The following HACE1 variants were observed in gnomAD, a reference collection of about 807,000 sequenced individuals.
HACE1 encodes HECT domain and ankyrin repeat containing E3 ubiquitin protein ligase 1.
In HACE1, 73 loss-of-function variants were observed where a neutral mutation model predicts 118.4. The observed-to-expected ratio is 0.62, with a 90% CI of 0.51 to 0.75. HACE1 has a LOEUF of 0.75. Ranked by LOEUF, HACE1 falls within the 30% of genes least tolerant of loss-of-function variation. The pLI, the probability that HACE1 is intolerant of heterozygous loss-of-function variation, is 0.00. For synonymous variants in HACE1, 368 were observed against 374.8 expected (o/e 0.98, Z 0.21); for missense variants, 749 against 1,102.2 (o/e 0.68, Z 4.54).
intron 16 of HACE1, 82 bp from the exon 17 acceptor site, chr6:104,776,910 T>C (rs946232610): frequency 1.2e-5 from 15 of 1,285,482 alleles, no homozygotes; most frequent in Admixed American, 6.9e-5. Flanking sequence ...AATTTAAATA[T>C]AAAGTTTCTT....
intron 10 of HACE1, among the ~76,000 whole-genome samples, chr6:104,794,901 A>T (rs577687395): frequency 6.7e-6 from 1 of 149,226 alleles, no homozygotes; most frequent in Admixed American, 6.7e-5. Flanking sequence ...CTCTGTCTCA[A>T]AAAAAAAAAA....
chr6:104,761,381 A>G (rs1315001605), intron 19 of HACE1, among the ~76,000 whole-genome samples: 2 of 152,248 alleles, frequency 1.3e-5, no homozygotes, highest in African/African-American at 2.4e-5. Context: ...CAGAGCCCTC[A>G]GAAGTAACAC....
intron 6 of HACE1, among the ~76,000 whole-genome samples, chr6:104,816,331 A>G (rs1297073211): frequency 5.9e-5 from 9 of 152,328 alleles, no homozygotes; most frequent in African/African-American, 1.9e-4. Context: ...GGCCGGACCC[A>G]GGGCCCCACT....
intron 7 of HACE1, among the ~76,000 whole-genome samples, chr6:104,809,973 G>T (rs1008498311): frequency 6.6e-6 from 1 of 151,992 alleles, no homozygotes; most frequent in East Asian, 1.9e-4. Context: ...TGGGGGAAAG[G>T]TTTGAGGAAG....
At chr6:104,747,553 T>G (rs1337050543) in intron 20 of HACE1, among the ~76,000 whole-genome samples, 1 of 151,832 alleles carries the variant, frequency 6.6e-6, no homozygotes, top group Non-Finnish European at 1.5e-5. Flanking sequence ...ACACAAAAAG[T>G]TCTAAAGCCA....
intron 5 of HACE1, 42 bp from the exon 6 acceptor site, chr6:104,833,215 T>G (rs1774182609): frequency 1.3e-6 from 2 of 1,579,256 alleles, no homozygotes; most frequent in Non-Finnish European, 1.7e-6. Context: ...GTAATAGTGT[T>G]TTATATAAAA....
intron 6 of HACE1, among the ~76,000 whole-genome samples, chr6:104,823,468 A>G (rs1341898931): frequency 6.6e-6 from 1 of 151,288 alleles, no homozygotes; most frequent in Non-Finnish European, 1.5e-5. Context: ...TTGTTCCAGC[A>G]TTTTATTTTC....
At chr6:104,769,034 A>AT (rs199755638) in intron 19 of HACE1, among the ~76,000 whole-genome samples, 56 of 151,034 alleles carry the variant, frequency 3.7e-4, no homozygotes, top group Admixed American at 3.5e-3. Flanking sequence ...CCTCATACAC[A>AT]TTTTTTTTTC....
intron 19 of HACE1, among the ~76,000 whole-genome samples, chr6:104,754,112 C>T (rs1778359780): frequency 6.6e-6 from 1 of 152,098 alleles, no homozygotes; most frequent in South Asian, 2.1e-4. Context: ...ACAATGCAAT[C>T]ACAAGTATCA....
At chr6:104,750,200 C>A (rs1777888529) in intron 20 of HACE1, 141 bp downstream of exon 20, 3 of 691,082 alleles carry the variant, frequency 4.3e-6, no homozygotes, top group Non-Finnish European at 7.2e-6. Context: ...TATATCAAAT[C>A]TCTAAAAATG....
rs554659273 is a variant in HACE1 at position 104,834,181 on chromosome 6, A to G, written c.403-1008T>C. On this transcript the variant is annotated intron_variant, in intron 5 of 23. Transcript: ENST00000262903. ...AAAAATCGTTTTAAAATAACTCATA[A>G]TGGTTCAAAACAGTAAGTATACTAA... Among the ~76,000 whole-genome samples the G allele has an allele frequency of 6.6e-5, 10 of 152,112 alleles. No individual in the cohort carries two copies. In the South Asian group the frequency reaches 1.2e-3, roughly 19 times the overall value.
chr6:104,746,025 T>A (rs2114526540), intron 20 of HACE1, among the ~76,000 whole-genome samples: 1 of 152,340 alleles, frequency 6.6e-6, no homozygotes, highest in African/African-American at 2.4e-5. Flanking sequence ...TGTCTTCTAC[T>A]AAGCTAGACA....
At chr6:104,774,342 G>A (rs1409474968) in intron 17 of HACE1, among the ~76,000 whole-genome samples, 2 of 103,126 alleles carry the variant, frequency 1.9e-5, no homozygotes, top group South Asian at 2.9e-4. Flanking sequence ...CGCCCGCCTC[G>A]GCCTCCCAAA....
At chr6:104,791,701 T>C (rs1783045418) in intron 10 of HACE1, 47 bp from the exon 11 acceptor site, 1 of 1,226,912 alleles carries the variant, frequency 8.2e-7, no homozygotes, top group East Asian at 2.4e-5. Flanking sequence ...ACAAATTACA[T>C]ATTAAAATAC....
chr6:104,754,050 G>C (rs1778353901), intron 19 of HACE1, among the ~76,000 whole-genome samples: 1 of 152,148 alleles, frequency 6.6e-6, no homozygotes, highest in African/African-American at 2.4e-5. Flanking sequence ...AGTCAGTTTA[G>C]AGAGGAACAT....
intron 1 of HACE1, among the ~76,000 whole-genome samples, chr6:104,853,718 C>T (rs1293220227): frequency 2.0e-5 from 3 of 152,064 alleles, no homozygotes; most frequent in Non-Finnish European, 2.9e-5. Flanking sequence ...GGTAACATCA[C>T]CAAAAATAAT....
intron 6 of HACE1, among the ~76,000 whole-genome samples, chr6:104,819,461 A>G (rs1340773938): frequency 1.3e-5 from 2 of 152,158 alleles, no homozygotes; most frequent in African/African-American, 4.8e-5. Context: ...GGCTACACTA[A>G]CCAAAGCAAT....
At chr6:104,771,754 AAGGT>A (rs1000662357) in intron 18 of HACE1, among the ~76,000 whole-genome samples, 167 bp downstream of exon 18, 3 of 152,048 alleles carry the variant, frequency 2.0e-5, no homozygotes, top group Admixed American at 6.6e-5. Flanking sequence ...GGAAAAAAAA[AAGGT>A]AGGTCATTTT....
chr6:104,781,866 C>G (rs375735043), intron 14 of HACE1, among the ~76,000 whole-genome samples: 3 of 152,208 alleles, frequency 2.0e-5, no homozygotes, highest in East Asian at 1.9e-4. Flanking sequence ...AGACACCCTC[C>G]TCACCCTAGT....
Sources: gnomAD v4.1 joint callset for allele counts (sites outside exome capture counted in the v4.1 genomes callset) on GRCh38, gnomAD v4.1.1 for gene constraint, MANE v1.5 for transcripts, NCBI Gene and HGNC (gene_info 2026-07-23, HGNC 2026-07-21) for gene names.